The following SDK1 variants were observed in gnomAD, a reference collection of about 807,000 sequenced individuals.
SDK1 encodes sidekick cell adhesion molecule 1, also known as protein sidekick-1.
In SDK1, 157 loss-of-function variants were observed where a neutral mutation model predicts 245.5. That is an observed-to-expected ratio of 0.64 (90% confidence interval 0.56 to 0.73). SDK1 has a LOEUF of 0.73. Ranked by LOEUF, SDK1 falls within the 30% of genes least tolerant of loss-of-function variation. The pLI is 0.00. For synonymous variants in SDK1, 1,647 were observed against 1,278.5 expected, an observed-to-expected ratio of 1.29 and a Z score of -6.15; for missense variants, 3,583 against 3,002.3, an observed-to-expected ratio of 1.19 and a Z score of -4.52.
At position 3,794,076 on chromosome 7, in the gene SDK1, G is replaced by C. The variant is rs139119452; in HGVS notation, c.714-27374G>C. On this transcript the variant is annotated intron_variant, in intron 4 of 44. Coordinates refer to ENST00000404826, the MANE Select transcript of SDK1 (RefSeq NM_152744.4). ...AGAAGCATGCTATCTTTATACAATT[G>C]AATGCACTCTTTGAATCTATTTTAC... Among the ~76,000 whole-genome samples the C allele has an allele frequency of 1.7e-4, 26 of 152,224 alleles. 1 individual carries two copies. In the East Asian group the frequency reaches 5.0e-3, roughly 29 times the overall value.
chr7:3,803,855 C>A (rs1779173118), intron 4 of SDK1, among the ~76,000 whole-genome samples: 1 of 151,144 alleles, frequency 6.6e-6, no homozygotes, highest in East Asian at 1.9e-4. Flanking sequence ...AGCTCCGCCT[C>A]CCATGTTCAC....
chr7:3,393,235 GTGC>G (rs1781807307), intron 1 of SDK1, among the ~76,000 whole-genome samples: 2 of 151,982 alleles, frequency 1.3e-5, no homozygotes, highest in South Asian at 4.1e-4. Context: ...GCCTCCCACA[GTGC>G]TGGGATTACA....
chr7:3,888,403 C>T (rs1280141747), intron 5 of SDK1, among the ~76,000 whole-genome samples: 5 of 152,336 alleles, frequency 3.3e-5, no homozygotes, highest in Admixed American at 6.5e-5. Flanking sequence ...ATGAACCGTA[C>T]CCCGCCTCTG....
At chr7:3,982,613 G>A (rs1235704987) in intron 13 of SDK1, among the ~76,000 whole-genome samples, 2 of 152,020 alleles carry the variant, frequency 1.3e-5, no homozygotes, top group Non-Finnish European at 2.9e-5. Flanking sequence ...GGCTGAGGTG[G>A]GTGGATCACA....
chr7:4,013,981 G>A (rs1226682987), intron 16 of SDK1, among the ~76,000 whole-genome samples: 8 of 152,316 alleles, frequency 5.3e-5, no homozygotes, highest in East Asian at 1.9e-4. Flanking sequence ...CCGTGTCCCC[G>A]CCGCCTGCGG....
Position 4,149,312 on chromosome 7 carries a change from G to C in SDK1, c.4474G>C (p.Ala1492Pro). ...ELLVPQAEVT[A>P]RSLRLQWVPG... is the part of the protein sequence containing the mutation. ...CCTGGTGCCCCAGGCAGAAGTGACC[G>C]CACGCAGCCTCCGGCTCCAGTGGGT... is the stretch of plus-strand genomic sequence containing the variant. The change falls in exon 30 of 45, where the codon GCA becomes CCA. Residue 1492 changes from alanine (A) to proline (P), a missense_variant. Coordinates refer to ENST00000404826, the MANE Select transcript of SDK1 (RefSeq NM_152744.4). 6.3e-7 allele frequency: 1 copy of C among 1,587,366 alleles called. No homozygotes were observed. Among genetic ancestry groups the C allele is most frequent in the Non-Finnish European group, 8.6e-7 (1 of 1,166,934 alleles).
At chr7:3,946,035 A>G (rs939987130) in intron 5 of SDK1, among the ~76,000 whole-genome samples, 10 of 151,676 alleles carry the variant, frequency 6.6e-5, no homozygotes, top group African/African-American at 2.2e-4. Flanking sequence ...TCCAACCAAT[A>G]AGAGCCCTAG....
intron 1 of SDK1, among the ~76,000 whole-genome samples, chr7:3,377,861 C>T (rs1781392973): frequency 6.6e-6 from 1 of 152,128 alleles, no homozygotes; most frequent in African/African-American, 2.4e-5. Context: ...TCACTGCAAC[C>T]TCCGCCTCCT....
intron 1 of SDK1, among the ~76,000 whole-genome samples, chr7:3,567,942 G>C (rs1186928487): frequency 1.3e-5 from 2 of 152,148 alleles, no homozygotes; most frequent in Non-Finnish European, 2.9e-5. Flanking sequence ...TCAGCCTCCT[G>C]AGTAGCTGGG....
At chr7:3,425,095 G>T (rs1779639138) in intron 1 of SDK1, among the ~76,000 whole-genome samples, 1 of 143,604 alleles carries the variant, frequency 7.0e-6, no homozygotes, top group African/African-American at 2.6e-5. Flanking sequence ...TTTCAAACTT[G>T]AGAGTCATAC....
intron 1 of SDK1, among the ~76,000 whole-genome samples, chr7:3,587,976 C>G (rs1780745447): frequency 1.3e-5 from 2 of 152,240 alleles, no homozygotes; most frequent in African/African-American, 4.8e-5. Flanking sequence ...TATGCCAATA[C>G]AGGCTTGCTC....
chr7:3,863,590 C>A (rs1391366256), intron 5 of SDK1, among the ~76,000 whole-genome samples: 1 of 152,180 alleles, frequency 6.6e-6, no homozygotes, highest in Non-Finnish European at 1.5e-5. Context: ...CATCATCCTC[C>A]CTCTTCAGCA....
intron 13 of SDK1, among the ~76,000 whole-genome samples, chr7:3,983,592 A>G (rs1006980369): frequency 6.6e-6 from 1 of 152,232 alleles, no homozygotes; most frequent in Non-Finnish European, 1.5e-5. Flanking sequence ...TGGGAAACCA[A>G]AACGTGTGTG....
intron 35 of SDK1, among the ~76,000 whole-genome samples, chr7:4,180,222 A>C (rs1055825727): frequency 6.8e-6 from 1 of 146,318 alleles, no homozygotes; most frequent in Non-Finnish European, 1.5e-5. Flanking sequence ...CTCTATGCCC[A>C]GCGCCCAGCT....
intron 5 of SDK1, among the ~76,000 whole-genome samples, chr7:3,935,806 G>A (rs186379073): frequency 2.4e-4 from 37 of 152,326 alleles, no homozygotes; most frequent in Admixed American, 1.8e-3. Flanking sequence ...AATGTATGAC[G>A]AAGTAGCCTT....
At chr7:3,557,739 T>C (rs1779633057) in intron 1 of SDK1, among the ~76,000 whole-genome samples, 2 of 152,160 alleles carry the variant, frequency 1.3e-5, no homozygotes, top group Non-Finnish European at 2.9e-5. Context: ...TGCATGTGAA[T>C]CTGTTATTAT....
At chr7:4,128,902 G>T (rs1470754345) in intron 26 of SDK1, among the ~76,000 whole-genome samples, 5 of 121,680 alleles carry the variant, frequency 4.1e-5, no homozygotes, top group South Asian at 3.0e-4. Flanking sequence ...AGCTTGGGGT[G>T]GGGTCCCCTG....
At chr7:3,758,543 G>A (rs1250983569) in intron 4 of SDK1, among the ~76,000 whole-genome samples, 1 of 152,160 alleles carries the variant, frequency 6.6e-6, no homozygotes, top group East Asian at 1.9e-4. Context: ...GATTTAATTT[G>A]TAGGTCAAAT....
chr7:3,729,597 T>TA (rs1183503065), intron 4 of SDK1, among the ~76,000 whole-genome samples: 1 of 152,134 alleles, frequency 6.6e-6, no homozygotes, highest in African/African-American at 2.4e-5. Context: ...TTGGCCACAT[T>TA]ACCTTTGCTT....
Sources: gnomAD v4.1 joint callset for allele counts (sites outside exome capture counted in the v4.1 genomes callset) on GRCh38, gnomAD v4.1.1 for gene constraint, MANE v1.5 for transcripts, NCBI Gene and HGNC (gene_info 2026-07-23, HGNC 2026-07-21) for gene names.